MZT2B: variants seen among roughly 807,000 people sequenced by gnomAD.
The protein encoded by MZT2B is mitotic-spindle organizing protein 2B.
In MZT2B, 11 loss-of-function variants were observed where a neutral mutation model predicts 12.1. The observed-to-expected ratio is 0.91, with a 90% CI of 0.57 to 1.50. The LOEUF is 1.50. MZT2B is among the 40% of genes most tolerant of loss of function. The pLI is 0.00. For synonymous variants in MZT2B, 85 were observed against 109.5 expected (o/e 0.78, Z 1.40); for missense variants, 209 against 227.7 (o/e 0.92, Z 0.53).
the MZT2B span, chr2:130,196,215 T>G: frequency 6.2e-7 from 1 of 1,613,990 alleles, no homozygotes; most frequent in Non-Finnish European, 8.5e-7. Context: ...CCAGTCTCAC[T>G]GAAGAACGTG....
upstream of MZT2B, chr2:130,181,689 A>G (rs1689659173): frequency 2.6e-6 from 4 of 1,548,382 alleles, no homozygotes; most frequent in East Asian, 4.9e-5. Context: ...CGCGTGCGCA[A>G]AGCGAAGGCC....
chr2:130,197,334 C>T, the MZT2B span, among the ~76,000 whole-genome samples: 2 of 144,720 alleles, frequency 1.4e-5, no homozygotes, highest in Admixed American at 7.2e-5. Context: ...GAAAAATTTA[C>T]AAATTAGCCA....
At chr2:130,194,868 G>C (rs1690365682), downstream of MZT2B, among the ~76,000 whole-genome samples, 1 of 152,144 alleles carries the variant, frequency 6.6e-6, no homozygotes, top group African/African-American at 2.4e-5. Context: ...AGTAGACATA[G>C]AGTTTCACCA....
At chr2:130,197,887 C>T in the MZT2B span, among the ~76,000 whole-genome samples, 2 of 125,160 alleles carry the variant, frequency 1.6e-5, no homozygotes, top group African/African-American at 5.6e-5. Flanking sequence ...GGATTCCAGG[C>T]GTGAGCCGCC....
At chr2:130,191,719 G>A (rs966992784), downstream of MZT2B, 5 of 1,518,882 alleles carry the variant, frequency 3.3e-6, no homozygotes, top group African/African-American at 6.9e-5. Context: ...TGTAGGCAGA[G>A]CTAAGCTGCA....
chr2:130,199,059 A>G, the MZT2B span, among the ~76,000 whole-genome samples: 2 of 122,486 alleles, frequency 1.6e-5, 1 homozygote, highest in Non-Finnish European at 3.6e-5. Flanking sequence ...CTAAAAACAC[A>G]AAAATTACCC....
intron 2 of MZT2B, chr2:130,183,758 C>T (rs978603800): frequency 9.7e-6 from 15 of 1,550,508 alleles, no homozygotes; most frequent in Non-Finnish European, 1.1e-5. Flanking sequence ...GCTCTGTCTG[C>T]TCTCTTTGTG....
At chr2:130,191,019 G>A (rs1286616121), downstream of MZT2B, among the ~76,000 whole-genome samples, 1 of 152,004 alleles carries the variant, frequency 6.6e-6, no homozygotes, top group African/African-American at 2.4e-5. Flanking sequence ...GTGCGATCTC[G>A]GCTCACTACA....
downstream of MZT2B, among the ~76,000 whole-genome samples, chr2:130,192,443 T>G (rs2104747132): frequency 6.6e-6 from 1 of 152,278 alleles, no homozygotes; most frequent in Admixed American, 6.5e-5. Flanking sequence ...CTTGTCTTCT[T>G]TGTAGATTAC....
intron 2 of MZT2B, chr2:130,188,064 CT>C (rs1212686962): frequency 1.7e-5 from 2 of 117,918 alleles, no homozygotes; most frequent in African/African-American, 6.2e-5. Context: ...TCCCCCACCA[CT>C]CAAAAAAAAA....
At chr2:130,181,818 A>T (rs559937157), upstream of MZT2B, 1 of 1,545,250 alleles carries the variant, frequency 6.5e-7, no homozygotes, top group Non-Finnish European at 8.7e-7. Context: ...CCCAGCAAGG[A>T]ATCCGCGTGC....
chr2:130,193,777 C>G (rs1690329138), downstream of MZT2B: 1 of 1,594,216 alleles, frequency 6.3e-7, no homozygotes, highest in African/African-American at 1.3e-5. Flanking sequence ...CCATGTCACC[C>G]AGTCATACCT....
At chr2:130,194,667 T>G (rs974059499), downstream of MZT2B, among the ~76,000 whole-genome samples, 1 of 152,200 alleles carries the variant, frequency 6.6e-6, no homozygotes, top group African/African-American at 2.4e-5. Flanking sequence ...GGACTCAAGA[T>G]GCTGGTCTAA....
chr2:130,190,397 A>G, intron 2 of MZT2B, 72 bp from the exon 3 acceptor site: 1 of 1,586,772 alleles, frequency 6.3e-7, no homozygotes, highest in Middle Eastern at 1.9e-4. Context: ...TTGCCCAAGG[A>G]CCACGAGTAC....
intron 2 of MZT2B, among the ~76,000 whole-genome samples, chr2:130,189,333 G>A: frequency 6.6e-6 from 1 of 152,190 alleles, no homozygotes; most frequent in Non-Finnish European, 1.5e-5. Context: ...CAGTGTTCCA[G>A]GCAACAACCT....
the MZT2B span, among the ~76,000 whole-genome samples, chr2:130,199,124 A>G: frequency 4.0e-4 from 49 of 121,792 alleles, 11 homozygotes; most frequent in African/African-American, 1.4e-3. Context: ...AGGTAGGAGA[A>G]TCGCTTGAAA....
intron 2 of MZT2B, chr2:130,188,080 AG>A (rs946916710): frequency 5.4e-5 from 8 of 148,452 alleles, no homozygotes; most frequent in African/African-American, 2.0e-4. Context: ...AAAAAAAAAA[AG>A]CATTATTTGC....
chr2:130,182,046 G>A, upstream of MZT2B: 1 of 1,348,874 alleles, frequency 7.4e-7, no homozygotes, highest in Non-Finnish European at 9.6e-7. Flanking sequence ...GCCAAGCAGC[G>A]GACCCCTGCG....
downstream of MZT2B, among the ~76,000 whole-genome samples, chr2:130,195,431 T>C (rs2104753262): frequency 6.6e-6 from 1 of 152,364 alleles, no homozygotes; most frequent in South Asian, 2.1e-4. Context: ...TCTACGACGT[T>C]AAACTCAGCT....
Sources: gnomAD v4.1 joint callset for allele counts (sites outside exome capture counted in the v4.1 genomes callset) on GRCh38, gnomAD v4.1.1 for gene constraint, MANE v1.5 for transcripts, NCBI Gene and HGNC (gene_info 2026-07-23, HGNC 2026-07-21) for gene names.